SLC39A6: variants seen among roughly 807,000 people sequenced by gnomAD.
The protein encoded by SLC39A6 is zinc transporter ZIP6.
In SLC39A6, 51 loss-of-function variants were observed where a neutral mutation model predicts 63.5. The observed-to-expected ratio is 0.80, with a 90% confidence interval of 0.64 to 1.01. The LOEUF (loss-of-function observed/expected upper bound fraction) is 1.01, where lower values mean the gene tolerates loss of function less well. Among genes scored for constraint, SLC39A6 ranks in the 50% least tolerant of loss-of-function variants. SLC39A6 has a pLI of 0.00. For synonymous variants in SLC39A6, 318 were observed against 324.7 expected (o/e 0.98, Z 0.22); for missense variants, 805 against 927.8 (o/e 0.87, Z 1.72).
Position 36,109,707 on chromosome 18 carries a change from T to A in SLC39A6, c.2154A>T (p.Gly718=), listed in dbSNP as rs1484886475. 1 of 1,612,900 alleles carries A rather than the reference T, an allele frequency of 6.2e-7. No homozygotes were observed. The highest frequency in any genetic ancestry group is 1.7e-5 in the Admixed American group (1 of 59,934). The change falls in exon 10 of 10, where the codon GGA becomes GGT. Residue 718 remains glycine, a synonymous_variant. Coordinates refer to ENST00000269187, the MANE Select transcript of SLC39A6 (RefSeq NM_012319.4). ...EMLHNDASDH[G]CSRWGYFFLQ... ...AAAAGAAATACCCCCAGCGGCTACA[T>A]CCATGGTCACTAGCATCATTGTGCA...
At chr18:36,121,846 T>C (rs1174748464) in intron 5 of SLC39A6, among the ~76,000 whole-genome samples, 1 of 152,172 alleles carries the variant, frequency 6.6e-6, no homozygotes, top group Non-Finnish European at 1.5e-5. Flanking sequence ...TTCAAAAGAA[T>C]AGCAAAGACA....
At chr18:36,117,177 C>T (rs1340828410) in intron 5 of SLC39A6, among the ~76,000 whole-genome samples, 1 of 152,178 alleles carries the variant, frequency 6.6e-6, no homozygotes, top group East Asian at 1.9e-4. Context: ...GTGGAGGTTG[C>T]AGTGAGCCAA....
chr18:36,123,469 C>A, intron 4 of SLC39A6, 26 bp downstream of exon 4: 1 of 1,558,568 alleles, frequency 6.4e-7, no homozygotes, highest in Non-Finnish European at 8.6e-7. Flanking sequence ...TAATCAAACA[C>A]TAACAGGACA....
rs780123438 is a variant in SLC39A6 at position 36,114,286 on chromosome 18, C to T, written c.1654G>A (p.Asp552Asn). 1 of 1,614,158 alleles carries T rather than the reference C, an allele frequency of 6.2e-7. No individual in the cohort carries two copies. Among genetic ancestry groups the T allele is most frequent in the East Asian group, 2.2e-5 (1 of 44,888 alleles). The change falls in exon 7 of 10, where the codon GAC (aspartate) becomes AAC (asparagine). Residue 552 changes from aspartate to asparagine, a missense_variant. Coordinates refer to ENST00000269187, the MANE Select transcript of SLC39A6 (RefSeq NM_012319.4). ...TCATGATGGTGGTGAATGAGATCGT[C>T]TGACTGGCCGAGTGTATCGTGGAAA... Reference protein sequence around the residue: ...SHFHDTLGQSDDLIHHHHDYH... With the variant: ...SHFHDTLGQSNDLIHHHHDYH...
chr18:36,114,351 T>A lies in SLC39A6; in HGVS notation c.1589A>T (p.Glu530Val). 3 of 1,614,250 alleles carry A rather than the reference T, an allele frequency of 1.9e-6. No individual in the cohort carries two copies. Among genetic ancestry groups the A allele is most frequent in the Non-Finnish European group, 2.5e-6 (3 of 1,180,042 alleles). Residue 530 changes from glutamate to valine, a missense_variant, in exon 7 of 10, where the codon GAA becomes GTA. Physicochemically the swap from Glu to Val is moderately radical, Grantham distance 121. Coordinates refer to ENST00000269187, the MANE Select transcript of SLC39A6 (RefSeq NM_012319.4). ...ATTCTTGCACCCTCTGGGTACATAT[T>A]CATTGTAGACTTCCTGTGGATGAGC... ...AHAHPQEVYNEYVPRGCKNKC... is the reference protein window; with the variant it reads ...AHAHPQEVYNVYVPRGCKNKC...
intron 5 of SLC39A6, among the ~76,000 whole-genome samples, chr18:36,117,244 A>T (rs1399182807): frequency 6.6e-6 from 1 of 152,194 alleles, no homozygotes; most frequent in Non-Finnish European, 1.5e-5. Flanking sequence ...CTCAAAAAAC[A>T]ACAAAAAAAT....
Position 36,121,156 on chromosome 18 carries a change from CTT to C in SLC39A6, c.1359+894_1359+895del, listed in dbSNP as rs11313446. Among the ~76,000 whole-genome samples, 9 of 145,212 alleles carry C rather than the reference CTT, an allele frequency of 6.2e-5. No individual in the cohort carries two copies. The South Asian group carries it at 6.5e-4, about 11-fold the overall frequency. On this transcript the variant is annotated intron_variant, in intron 5 of 9. Coordinates refer to ENST00000269187, the MANE Select transcript of SLC39A6 (RefSeq NM_012319.4). ...GATATGAACACATCACTTTTCTTTT[CTT>C]TTTTTTTTTTTATTTTTTGAGACAG...
At chr18:36,125,262 C>T (rs554586339) in intron 2 of SLC39A6, among the ~76,000 whole-genome samples, 4 of 151,140 alleles carry the variant, frequency 2.6e-5, no homozygotes, top group Admixed American at 1.3e-4. Flanking sequence ...AAACCTGTAC[C>T]GGCAGGCAGA....
At chr18:36,128,316 T>C (rs1303634963) in intron 1 of SLC39A6, among the ~76,000 whole-genome samples, 1 of 152,232 alleles carries the variant, frequency 6.6e-6, no homozygotes, top group African/African-American at 2.4e-5. Flanking sequence ...TATCCAGCTC[T>C]ACCACGGTCA....
intron 2 of SLC39A6, among the ~76,000 whole-genome samples, chr18:36,125,038 A>T (rs1048130820): frequency 2.6e-5 from 4 of 152,168 alleles, no homozygotes; most frequent in African/African-American, 9.7e-5. Context: ...TTAATTTCAA[A>T]ATGGGGCTCA....
chr18:36,123,603 G>A lies in SLC39A6; in HGVS notation c.1032C>T (p.Ile344=). The A allele has an allele frequency of 1.2e-6, 2 of 1,613,834 alleles. No homozygotes were observed. Among genetic ancestry groups the A allele is most frequent in the Non-Finnish European group, 8.5e-7 (1 of 1,179,930 alleles). The change falls in exon 4 of 10, where the codon ATC becomes ATT. Residue 344 remains isoleucine (I), a synonymous_variant. Coordinates refer to ENST00000269187, the MANE Select transcript of SLC39A6 (RefSeq NM_012319.4). ...IISFLSLLGV[I]LVPLMNRVFF... ...ACACCCGATTCATGAGAGGCACTAA[G>A]ATAACCCCCAGCAGAGACAGGAAAC...
intron 1 of SLC39A6, 114 bp from the exon 2 acceptor site, chr18:36,127,130 T>G: frequency 1.1e-6 from 1 of 930,952 alleles, no homozygotes; most frequent in Non-Finnish European, 1.6e-6. Context: ...CAGAGCATCA[T>G]GTGGTGTGAC....
intron 6 of SLC39A6, among the ~76,000 whole-genome samples, chr18:36,115,157 G>A (rs2089333254): frequency 6.6e-6 from 1 of 152,126 alleles, no homozygotes; most frequent in Non-Finnish European, 1.5e-5. Flanking sequence ...AAACTGAAGA[G>A]GGGGCCGGGC....
At chr18:36,124,989 C>A (rs2089424507) in intron 2 of SLC39A6, among the ~76,000 whole-genome samples, 1 of 152,146 alleles carries the variant, frequency 6.6e-6, no homozygotes, top group African/African-American at 2.4e-5. Flanking sequence ...ATTCACAAGC[C>A]TGTTAACTCA....
rs2089435778 is a variant in SLC39A6 at position 36,126,259 on chromosome 18, C to T, written c.749G>A (p.Gly250Asp). The T allele has an allele frequency of 1.2e-6, 2 of 1,614,192 alleles. No homozygotes were observed. Among genetic ancestry groups the T allele is most frequent in the Non-Finnish European group, 1.7e-6 (2 of 1,180,036 alleles). Residue 250 changes from glycine to aspartate, a missense_variant, in exon 2 of 10, where the codon GGC becomes GAC. Gly to Asp is a moderately conservative substitution (Grantham distance 94). Coordinates refer to ENST00000269187, the MANE Select transcript of SLC39A6 (RefSeq NM_012319.4). Reference protein sequence around the residue: ...TNESVSEPRKGFMYSRNTNEN... With the variant: ...TNESVSEPRKDFMYSRNTNEN... ...ATTTGTGTTTCTGGAATACATAAAG[C>T]CTTTTCGGGGCTCACTCACAGATTC...
intron 2 of SLC39A6, 39 bp from the exon 3 acceptor site, chr18:36,124,739 C>T (rs975299623): frequency 1.4e-6 from 2 of 1,471,042 alleles, no homozygotes; most frequent in East Asian, 4.6e-5. Context: ...CAAAAGCCAT[C>T]CCCATTAGAG....
At chr18:36,115,563 C>T (rs1418740626) in intron 6 of SLC39A6, among the ~76,000 whole-genome samples, 1 of 152,078 alleles carries the variant, frequency 6.6e-6, no homozygotes, top group African/African-American at 2.4e-5. Context: ...TGAGGGAAGG[C>T]CTCTAAAGGA....
chr18:36,121,342 A>G (rs2089392307), intron 5 of SLC39A6, among the ~76,000 whole-genome samples: 1 of 152,154 alleles, frequency 6.6e-6, no homozygotes, highest in South Asian at 2.1e-4. Flanking sequence ...TTTGTAGTAC[A>G]GATGGGGTTT....
chr18:36,127,204 C>T (rs1484697692), intron 1 of SLC39A6, among the ~76,000 whole-genome samples, 188 bp from the exon 2 acceptor site: 1 of 152,152 alleles, frequency 6.6e-6, no homozygotes, highest in African/African-American at 2.4e-5. Flanking sequence ...CCCTTGCATT[C>T]CTAAAACACA....
Sources: allele counts gnomAD v4.1 joint callset (sites outside exome capture counted in the v4.1 genomes callset), GRCh38; gene constraint gnomAD v4.1.1; transcripts MANE v1.5; gene names NCBI Gene and HGNC (gene_info 2026-07-23, HGNC 2026-07-21).